ZNF644: variants seen among roughly 807,000 people sequenced by gnomAD.
ZNF644 encodes the protein zinc finger motif enhancer binding protein 2.
Under a neutral mutation model 108.0 loss-of-function variants are expected in ZNF644, and 20 were observed. The observed-to-expected ratio is 0.19, with a 90% CI of 0.13 to 0.27. The LOEUF (loss-of-function observed/expected upper bound fraction) is 0.27, where lower values mean the gene tolerates loss of function less well. Among genes scored for constraint, ZNF644 ranks in the 10% least tolerant of loss-of-function variants. The probability of loss-of-function intolerance (pLI) is 1.00; values close to 1 mark genes in which losing one functional copy is unlikely to be tolerated. For synonymous variants in ZNF644, 542 were observed against 539.1 expected (o/e 1.01, Z -0.08); for missense variants, 1,338 against 1,548.9 (o/e 0.86, Z 2.29).
At chr1:90,963,105 T>C (rs1355131569) in intron 2 of ZNF644, among the ~76,000 whole-genome samples, 1 of 152,042 alleles carries the variant, frequency 6.6e-6, no homozygotes, top group African/African-American at 2.4e-5. Context: ...AAAGGAAAAG[T>C]ACAGAAACTC....
At chr1:90,942,901 T>C (rs1163828136) in intron 2 of ZNF644, among the ~76,000 whole-genome samples, 1 of 152,208 alleles carries the variant, frequency 6.6e-6, no homozygotes, top group Non-Finnish European at 1.5e-5. Context: ...ATTGTTCCTG[T>C]ATTCCAGATA....
chr1:90,974,601 C>T (rs1382166138), intron 2 of ZNF644, among the ~76,000 whole-genome samples: 2 of 152,288 alleles, frequency 1.3e-5, no homozygotes, highest in East Asian at 1.9e-4. Flanking sequence ...ACCTCCATTA[C>T]AATTAACCAC....
At chr1:90,982,269 T>C in intron 2 of ZNF644, 41 bp downstream of exon 2, 1 of 1,518,016 alleles carries the variant, frequency 6.6e-7, no homozygotes, top group Non-Finnish European at 9.1e-7. Flanking sequence ...GTATTATTCC[T>C]ACCTTGATAT....
intron 4 of ZNF644, among the ~76,000 whole-genome samples, chr1:90,931,629 C>G (rs1199043347): frequency 6.6e-6 from 1 of 152,102 alleles, no homozygotes; most frequent in Non-Finnish European, 1.5e-5. Flanking sequence ...CTGGGCAAAA[C>G]TTTAATCTGT....
intron 2 of ZNF644, among the ~76,000 whole-genome samples, chr1:90,952,794 G>T (rs1249173312): frequency 6.6e-6 from 1 of 151,846 alleles, no homozygotes; most frequent in Non-Finnish European, 1.5e-5. Flanking sequence ...TAAGACAGAA[G>T]CAATACTTCT....
Position 90,916,554 on chromosome 1 carries a change from TACTGAGTGA to T in ZNF644, c.*235_*243del, listed in dbSNP as rs2100749993. The T allele has an allele frequency of 2.0e-6, 1 of 511,908 alleles. No homozygotes were observed. Among genetic ancestry groups the T allele is most frequent in the Admixed American group, 3.2e-5 (1 of 31,100 alleles). 31.7% of individuals were successfully genotyped at this position (511,908 alleles called of 1,614,324 possible). The stretch of plus-strand genomic sequence containing the variant: ...TGGCTGCTTACATGTACTGCTCTTT[TACTGAGTGA>T]ACACAGTTAACCAACAAAACTTCAT... On this transcript the variant is annotated 3_prime_UTR_variant, in exon 6 of 6. Transcript: ENST00000337393.
At chr1:91,012,826 A>G (rs1410520816) in intron 1 of ZNF644, among the ~76,000 whole-genome samples, 1 of 151,194 alleles carries the variant, frequency 6.6e-6, no homozygotes, top group Non-Finnish European at 1.5e-5. Flanking sequence ...TGTGCACTTC[A>G]CTGTATGTTA....
intron 4 of ZNF644, among the ~76,000 whole-genome samples, chr1:90,925,165 A>C (rs1649886300): frequency 6.6e-6 from 1 of 152,178 alleles, no homozygotes. Flanking sequence ...GAAAGACTGG[A>C]GTAGGGGACT....
intron 2 of ZNF644, among the ~76,000 whole-genome samples, chr1:90,958,782 T>C (rs757326074): frequency 3.9e-5 from 6 of 152,086 alleles, no homozygotes; most frequent in Non-Finnish European, 7.4e-5. Flanking sequence ...AAGAATGAAG[T>C]TGGAAGCCTG....
intron 1 of ZNF644, among the ~76,000 whole-genome samples, chr1:90,988,715 T>C (rs1038609423): frequency 6.6e-6 from 1 of 152,108 alleles, no homozygotes; most frequent in Non-Finnish European, 1.5e-5. Context: ...AAAATATAGA[T>C]AGCCCAATAA....
At chr1:90,998,146 C>T (rs1305901249) in intron 1 of ZNF644, among the ~76,000 whole-genome samples, 1 of 152,174 alleles carries the variant, frequency 6.6e-6, no homozygotes, top group Non-Finnish European at 1.5e-5. Context: ...CAAAAGGCAG[C>T]AGAAACCTCC....
At chr1:90,965,608 T>C (rs1489545594) in intron 2 of ZNF644, among the ~76,000 whole-genome samples, 1 of 152,168 alleles carries the variant, frequency 6.6e-6, no homozygotes, top group Non-Finnish European at 1.5e-5. Flanking sequence ...GGACAAAAAA[T>C]AGTTCCTAAA....
intron 2 of ZNF644, among the ~76,000 whole-genome samples, chr1:90,942,821 G>A (rs1252344698): frequency 6.6e-6 from 1 of 152,102 alleles, no homozygotes; most frequent in Non-Finnish European, 1.5e-5. Context: ...GGCATCATAA[G>A]CTTCCATATT....
intron 1 of ZNF644, among the ~76,000 whole-genome samples, chr1:90,983,261 C>T (rs984486872): frequency 2.6e-5 from 4 of 152,082 alleles, no homozygotes; most frequent in African/African-American, 7.2e-5. Context: ...TTTTCTGCAT[C>T]GTATCTAGAA....
chr1:91,019,653 C>T (rs887006985), intron 1 of ZNF644, among the ~76,000 whole-genome samples: 3 of 152,178 alleles, frequency 2.0e-5, no homozygotes, highest in Admixed American at 2.0e-4. Flanking sequence ...TCTCTGCAAC[C>T]TCTGCCTTCC....
chr1:91,015,302 A>G (rs1374444392), intron 1 of ZNF644, among the ~76,000 whole-genome samples: 1 of 152,174 alleles, frequency 6.6e-6, no homozygotes, highest in African/African-American at 2.4e-5. Context: ...GACATATACA[A>G]AACAAAGTGT....
At chr1:90,919,751 G>T (rs915348159) in intron 4 of ZNF644, among the ~76,000 whole-genome samples, 7 of 151,970 alleles carry the variant, frequency 4.6e-5, no homozygotes, top group African/African-American at 1.7e-4. Flanking sequence ...CATGTAGTAG[G>T]AACTCAACAA....
chr1:91,016,085 T>C (rs1392673704), intron 1 of ZNF644, among the ~76,000 whole-genome samples: 1 of 152,218 alleles, frequency 6.6e-6, no homozygotes, highest in Non-Finnish European at 1.5e-5. Flanking sequence ...TATATATGCA[T>C]AATTACAATT....
chr1:91,018,066 A>G (rs1482653493), intron 1 of ZNF644, among the ~76,000 whole-genome samples: 1 of 152,196 alleles, frequency 6.6e-6, no homozygotes, highest in Admixed American at 6.5e-5. Flanking sequence ...GAGACAAGAA[A>G]ACACCTTTTT....
Sources: gnomAD v4.1 joint callset for allele counts (sites outside exome capture counted in the v4.1 genomes callset) on GRCh38, gnomAD v4.1.1 for gene constraint, MANE v1.5 for transcripts, NCBI Gene and HGNC (gene_info 2026-07-23, HGNC 2026-07-21) for gene names.